The following MGAT4C variants were observed in gnomAD, a reference collection of about 807,000 sequenced individuals.
MGAT4C encodes the protein alpha-1,3-mannosyl-glycoprotein 4-beta-N-acetylglucosaminyltransferase C.
In MGAT4C, 19 loss-of-function variants were observed where a neutral mutation model predicts 40.1. That is an observed-to-expected ratio of 0.47 (90% confidence interval 0.33 to 0.70). The LOEUF (loss-of-function observed/expected upper bound fraction) is 0.70, where lower values mean the gene tolerates loss of function less well. Ranked by LOEUF, MGAT4C falls within the 30% of genes least tolerant of loss-of-function variation. The pLI, the probability that MGAT4C is intolerant of heterozygous loss-of-function variation, is 0.02. For missense variants in MGAT4C, 491 were observed against 563.2 expected (o/e 0.87, Z 1.30); for synonymous variants, 181 against 187.1 (o/e 0.97, Z 0.27).
intron 3 of MGAT4C, among the ~76,000 whole-genome samples, chr12:86,361,566 A>G (rs1955471339): frequency 6.6e-6 from 1 of 152,236 alleles, no homozygotes; most frequent in Non-Finnish European, 1.5e-5. Flanking sequence ...AGAATGGGAG[A>G]AAATTTTTAC....
intron 1 of MGAT4C, among the ~76,000 whole-genome samples, chr12:86,142,631 T>C (rs139060239): frequency 5.3e-5 from 8 of 152,224 alleles, no homozygotes; most frequent in African/African-American, 1.9e-4. Flanking sequence ...ATTGTTTATA[T>C]ATTTATATTA....
intron 1 of MGAT4C, among the ~76,000 whole-genome samples, chr12:86,158,973 C>A (rs1885286179): frequency 6.6e-6 from 1 of 152,134 alleles, no homozygotes; most frequent in South Asian, 2.1e-4. Context: ...GGATCATATC[C>A]TCAGCAAAGA....
intron 1 of MGAT4C, among the ~76,000 whole-genome samples, chr12:86,072,916 T>C (rs942995069): frequency 1.3e-5 from 2 of 152,184 alleles, no homozygotes; most frequent in Non-Finnish European, 2.9e-5. Flanking sequence ...TCTGACATCA[T>C]TAACAGTATT....
chr12:86,762,242 G>T (rs913950242), intron 1 of MGAT4C, among the ~76,000 whole-genome samples: 2 of 151,804 alleles, frequency 1.3e-5, no homozygotes, highest in African/African-American at 2.4e-5. Flanking sequence ...GTAGACATGG[G>T]GTTTCACTAT....
intron 1 of MGAT4C, among the ~76,000 whole-genome samples, chr12:86,239,405 CATCT>C (rs770559699): frequency 2.1e-4 from 31 of 150,628 alleles, no homozygotes; most frequent in African/African-American, 4.6e-4. Context: ...AAGCCACAGC[CATCT>C]CTCTCTCTCT....
chr12:86,539,783 A>T (rs1386637787), intron 2 of MGAT4C, among the ~76,000 whole-genome samples: 2 of 152,072 alleles, frequency 1.3e-5, no homozygotes, highest in African/African-American at 4.8e-5. Context: ...TATGATGAGC[A>T]TTTTTTCATG....
At chr12:86,746,474 A>C (rs1951155106) in intron 1 of MGAT4C, among the ~76,000 whole-genome samples, 3 of 151,662 alleles carry the variant, frequency 2.0e-5, no homozygotes, top group East Asian at 2.0e-4. Context: ...ACACTCACTA[A>C]ATCTTGGTAA....
intron 2 of MGAT4C, among the ~76,000 whole-genome samples, chr12:86,008,108 G>T (rs1238719567): frequency 2.0e-5 from 3 of 151,926 alleles, no homozygotes; most frequent in African/African-American, 4.8e-5. Context: ...TACTATGGAA[G>T]TTTTATCATC....
intron 2 of MGAT4C, among the ~76,000 whole-genome samples, chr12:86,582,057 A>G (rs1960800434): frequency 6.6e-6 from 1 of 151,462 alleles, no homozygotes; most frequent in Non-Finnish European, 1.5e-5. Context: ...TTGGGTTGGC[A>G]TAATGCACAT....
At chr12:86,233,333 C>A (rs1357668666) in intron 1 of MGAT4C, among the ~76,000 whole-genome samples, 1 of 152,104 alleles carries the variant, frequency 6.6e-6, no homozygotes, top group Non-Finnish European at 1.5e-5. Context: ...AGCCAAGGGG[C>A]CAGTACTTAA....
intron 3 of MGAT4C, among the ~76,000 whole-genome samples, chr12:86,360,057 C>G (rs971340672): frequency 3.9e-5 from 6 of 152,100 alleles, no homozygotes; most frequent in African/African-American, 7.2e-5. Flanking sequence ...GACCAATATC[C>G]CTGAAGAACA....
Position 86,804,763 on chromosome 12 carries a change from G to T in MGAT4C, c.-262+33903C>A, listed in dbSNP as rs923053178. ...AATTTGCACATTTCTCAACAGTTCA[G>T]CTATTTTACCTATATAGAAAGGCAA... On this transcript the variant is annotated intron_variant, in intron 1 of 7. Coordinates refer to the MGAT4C transcript ENST00000548651. 4.6e-5 allele frequency among the ~76,000 whole-genome samples: 7 copies of T among 151,888 alleles called. No individual in the cohort carries two copies. In the East Asian group the frequency reaches 1.4e-3, roughly 29 times the overall value.
At chr12:86,559,163 T>C (rs1332161844) in intron 2 of MGAT4C, among the ~76,000 whole-genome samples, 1 of 151,920 alleles carries the variant, frequency 6.6e-6, no homozygotes, top group Admixed American at 6.6e-5. Context: ...CACCCAGATA[T>C]ACAAAACAAA....
At chr12:86,054,303 A>C (rs1893179512) in intron 1 of MGAT4C, among the ~76,000 whole-genome samples, 1 of 152,046 alleles carries the variant, frequency 6.6e-6, no homozygotes, top group Non-Finnish European at 1.5e-5. Flanking sequence ...GTGCTAAGTG[A>C]ATTAAACCAA....
At chr12:86,611,503 T>C (rs1001464279) in intron 2 of MGAT4C, among the ~76,000 whole-genome samples, 1 of 152,126 alleles carries the variant, frequency 6.6e-6, no homozygotes, top group African/African-American at 2.4e-5. Context: ...GATAGATACA[T>C]GTTTGTATGG....
rs1958321786 is a variant in MGAT4C, at chr12:86,500,494, A to G, written c.-228-65229T>C. 2.7e-5 allele frequency among the ~76,000 whole-genome samples: 4 copies of G among 150,628 alleles called. No individual in the cohort carries two copies. In the South Asian group the frequency reaches 8.4e-4, roughly 31 times the overall value. On this transcript the variant is annotated intron_variant, in intron 2 of 7. Coordinates refer to the MGAT4C transcript ENST00000548651. The stretch of plus-strand genomic sequence containing the variant: ...ATTTAAATTTTATATTAAATGAAAA[A>G]TTTCTTTTGAAAGGCAAAATATAAG...
At chr12:86,267,352 T>A (rs1014372515) in intron 4 of MGAT4C, among the ~76,000 whole-genome samples, 2 of 152,226 alleles carry the variant, frequency 1.3e-5, no homozygotes, top group African/African-American at 4.8e-5. Flanking sequence ...CTCAAAGGTA[T>A]CTTAAACTTG....
In MGAT4C at chr12:86,118,217, C is replaced by T. The variant is rs553160458; in HGVS notation, c.-56-68494G>A. 9.2e-5 allele frequency among the ~76,000 whole-genome samples: 14 copies of T among 152,200 alleles called. No individual in the cohort carries two copies. The South Asian group carries it at 1.9e-3, about 20-fold the overall frequency. On this transcript the variant is annotated intron_variant, in intron 1 of 4. Coordinates refer to ENST00000611864, the MANE Select transcript of MGAT4C (RefSeq NM_001351288.2). ...GAAAAAAATGCAACTCTTTTATGAG[C>T]CTTTGAAGGAGAAATAGCCTGAAGA...
rs549106785 is a variant in MGAT4C, at chr12:86,078,233, C to T, written c.-56-28510G>A. On this transcript the variant is annotated intron_variant, in intron 1 of 4. Transcript: ENST00000611864. The stretch of plus-strand genomic sequence containing the variant: ...CCCCAGCCCTGCTAAGTATTGTCAC[C>T]TAGCTGGCATTGTAATTGTGACTTC... 9.2e-5 allele frequency among the ~76,000 whole-genome samples: 14 copies of T among 152,264 alleles called. 1 individual carries two copies. In the South Asian group the frequency reaches 2.7e-3, roughly 29 times the overall value.
Sources: allele counts gnomAD v4.1 joint callset (sites outside exome capture counted in the v4.1 genomes callset), GRCh38; gene constraint gnomAD v4.1.1; transcripts MANE v1.5; gene names NCBI Gene and HGNC (gene_info 2026-07-23, HGNC 2026-07-21).